Variants in FSD1L observed in about 807,000 individuals in gnomAD.
The protein encoded by FSD1L is FSD1-like protein.
FSD1L carries 45 observed loss-of-function variants against 71.6 expected under a neutral mutation model. That is an observed-to-expected ratio of 0.63 (90% CI 0.49 to 0.81). The LOEUF (loss-of-function observed/expected upper bound fraction) is 0.81, where lower values mean the gene tolerates loss of function less well. FSD1L is among the 30% of genes least tolerant of loss of function. The pLI, the probability that FSD1L is intolerant of heterozygous loss-of-function variation, is 0.00. For synonymous variants in FSD1L, 197 were observed against 207.2 expected (o/e 0.95, Z 0.42); for missense variants, 561 against 618.1 (o/e 0.91, Z 0.98).
At chr9:105,506,686 G>C (rs1834069556) in intron 8 of FSD1L, 78 bp downstream of exon 8, 1 of 1,095,294 alleles carries the variant, frequency 9.1e-7, no homozygotes, top group Non-Finnish European at 1.3e-6. Context: ...TTACTTTAAA[G>C]AATAAAGTTT....
intron 2 of FSD1L, 106 bp from the exon 3 acceptor site, chr9:105,464,129 TG>T (rs1480721055): frequency 6.8e-5 from 43 of 634,734 alleles, no homozygotes; most frequent in Non-Finnish European, 2.7e-6. Flanking sequence ...TGCTCCTATT[TG>T]TTATACAATA....
At chr9:105,541,610 G>A (rs772882926) in intron 13 of FSD1L, among the ~76,000 whole-genome samples, 13 of 151,976 alleles carry the variant, frequency 8.6e-5, no homozygotes, top group South Asian at 2.1e-4. Flanking sequence ...TATTAAGTAC[G>A]TTAATGCCTA....
At chr9:105,525,533 T>C in intron 10 of FSD1L, 1 of 1,610,804 alleles carries the variant, frequency 6.2e-7, no homozygotes, top group Non-Finnish European at 8.5e-7. Context: ...CAGTCAGCAT[T>C]TTATTATTGC....
intron 7 of FSD1L, among the ~76,000 whole-genome samples, chr9:105,492,732 T>C (rs1272317698): frequency 6.6e-6 from 1 of 152,196 alleles, no homozygotes; most frequent in Admixed American, 6.5e-5. Flanking sequence ...AGAACATCTT[T>C]ATTTCTGCCG....
At chr9:105,519,225 AC>A (rs770100142) in intron 10 of FSD1L, among the ~76,000 whole-genome samples, 2 of 152,214 alleles carry the variant, frequency 1.3e-5, no homozygotes, top group Non-Finnish European at 2.9e-5. Context: ...TACCAGAGGT[AC>A]AAAGAGGAGC....
At chr9:105,443,965 C>T (rs1829587709), upstream of FSD1L, among the ~76,000 whole-genome samples, 1 of 152,172 alleles carries the variant, frequency 6.6e-6, no homozygotes, top group African/African-American at 2.4e-5. Context: ...GCCTTGGAGT[C>T]TTCCCAGGCT....
At position 105,520,035 on chromosome 9, in the gene FSD1L, C is replaced by G. The variant is rs1589065425; in HGVS notation, c.1025+7099C>G. On this transcript the variant is annotated intron_variant, in intron 10 of 13. Coordinates refer to ENST00000481272, the MANE Select transcript of FSD1L (RefSeq NM_001145313.3). ...AAGGCTGGGGAGCTAATGAGCCTCT[C>G]TGGCTAGTCTCCTCCCCGTCCACTC... The G allele has an allele frequency of 3.4e-6, 5 of 1,486,950 alleles. No individual in the cohort carries two copies. The East Asian group carries it at 9.8e-5, about 29-fold the overall frequency. The allele number at this position is 1,486,950 out of a possible 1,614,324, so 92.1% of individuals were successfully genotyped here.
rs115286245 is a variant in FSD1L at position 105,536,208 on chromosome 9, G to T, written c.1378+890G>T. Among the ~76,000 whole-genome samples, 106 of 152,304 alleles carry T rather than the reference G, an allele frequency of 7.0e-4. 1 individual carries two copies. The highest frequency in any genetic ancestry group is 2.5e-3 in the African/African-American group (105 of 41,566). ...ATTGTTGGACAGCTCTTGGTTAGAA[G>T]ATTTTTCTTAAGTTGACTCACATTG... On this transcript the variant is annotated intron_variant, in intron 12 of 13. Transcript: ENST00000481272.
intron 1 of FSD1L, among the ~76,000 whole-genome samples, chr9:105,455,916 T>C (rs1389018316): frequency 6.6e-6 from 1 of 152,188 alleles, no homozygotes; most frequent in Non-Finnish European, 1.5e-5. Flanking sequence ...TCTAGATTTT[T>C]GTATCTTGAT....
chr9:105,532,128 G>C (rs1835932166), intron 10 of FSD1L, among the ~76,000 whole-genome samples: 1 of 152,172 alleles, frequency 6.6e-6, no homozygotes, highest in Admixed American at 6.5e-5. Flanking sequence ...AAACACCATT[G>C]ATTTCAAGAG....
Position 105,461,505 on chromosome 9 carries a change from AT to A in FSD1L, c.16-12del. On this transcript the variant is annotated splice_polypyrimidine_tract_variant and intron_variant, in intron 1 of 13. Coordinates refer to ENST00000481272, the MANE Select transcript of FSD1L (RefSeq NM_001145313.3). ...TGTGGCTGCTATTGGCTCCTACTGT[AT>A]TTATATTGGACAGTACTGCTTTAAG... 3 of 1,448,488 alleles carry A rather than the reference AT, an allele frequency of 2.1e-6. No individual in the cohort carries two copies. Among genetic ancestry groups the A allele is most frequent in the African/African-American group, 1.4e-5 (1 of 71,380 alleles). The allele number at this position is 1,448,488 out of a possible 1,614,324, so 89.7% of individuals were successfully genotyped here.
intron 10 of FSD1L, among the ~76,000 whole-genome samples, chr9:105,528,894 C>T (rs1835700090): frequency 6.6e-6 from 1 of 152,038 alleles, no homozygotes. Flanking sequence ...TGACAAAGGG[C>T]TAATATCCAG....
At chr9:105,459,642 G>T (rs984268402) in intron 1 of FSD1L, among the ~76,000 whole-genome samples, 2 of 152,202 alleles carry the variant, frequency 1.3e-5, no homozygotes, top group African/African-American at 4.8e-5. Context: ...CATTTTATCT[G>T]TATTAGCTAA....
intron 7 of FSD1L, among the ~76,000 whole-genome samples, chr9:105,494,012 T>C (rs998070982): frequency 1.3e-4 from 20 of 152,176 alleles, no homozygotes; most frequent in African/African-American, 4.8e-4. Flanking sequence ...TATCTTTGTG[T>C]CATTCTCTGT....
At chr9:105,515,098 C>T (rs145126134) in intron 10 of FSD1L, among the ~76,000 whole-genome samples, 126 of 152,226 alleles carry the variant, frequency 8.3e-4, no homozygotes, top group African/African-American at 2.8e-3. Flanking sequence ...AATTGCAACT[C>T]TCTCTCGAAA....
intron 6 of FSD1L, among the ~76,000 whole-genome samples, chr9:105,482,842 A>G (rs185393820): frequency 6.6e-6 from 1 of 152,156 alleles, no homozygotes; most frequent in Admixed American, 6.6e-5. Context: ...AAAATTCTCT[A>G]AAATACTTTC....
At chr9:105,495,835 C>T (rs774368052) in intron 7 of FSD1L, among the ~76,000 whole-genome samples, 14 of 152,030 alleles carry the variant, frequency 9.2e-5, no homozygotes, top group South Asian at 4.2e-4. Flanking sequence ...ATTAGCTGGG[C>T]GTAGTGATGG....
upstream of FSD1L, among the ~76,000 whole-genome samples, chr9:105,445,235 G>A (rs1829617302): frequency 1.3e-5 from 2 of 152,164 alleles, no homozygotes; most frequent in South Asian, 2.1e-4. Context: ...AGATGGGAAC[G>A]AGGGGAAGCA....
At position 105,499,849 on chromosome 9, in the gene FSD1L, G is replaced by A. The variant is rs564194839; in HGVS notation, c.587-6550G>A. On this transcript the variant is annotated intron_variant, in intron 7 of 13. Coordinates refer to ENST00000481272, the MANE Select transcript of FSD1L (RefSeq NM_001145313.3). ...CTTTCGTACTTCCACAGTAAATTTT[G>A]GATATTCTGTTCTGTGGGGTTTCTT... Among the ~76,000 whole-genome samples the A allele has an allele frequency of 3.3e-5, 5 of 152,110 alleles. No individual in the cohort carries two copies. The South Asian group carries it at 1.0e-3, about 32-fold the overall frequency.
Sources: gnomAD v4.1 joint callset for allele counts (sites outside exome capture counted in the v4.1 genomes callset) on GRCh38, gnomAD v4.1.1 for gene constraint, MANE v1.5 for transcripts, NCBI Gene and HGNC (gene_info 2026-07-23, HGNC 2026-07-21) for gene names.